Variants in KDM3B observed in about 807,000 individuals in gnomAD.
KDM3B encodes lysine demethylase 3B.
In KDM3B, 10 loss-of-function variants were observed where a neutral mutation model predicts 170.0. The ratio of observed to expected loss-of-function variants is 0.06; its 90% confidence interval spans 0.04 to 0.10. The LOEUF is 0.10. Ranked by LOEUF, KDM3B falls within the 10% of genes least tolerant of loss-of-function variation. The pLI is 1.00. For synonymous variants in KDM3B, 831 were observed against 834.8 expected (o/e 1.00, Z 0.08); for missense variants, 1,394 against 2,195.2 (o/e 0.64, Z 7.29).
At chr5:138,380,600 T>G (rs1762103266) in intron 5 of KDM3B, among the ~76,000 whole-genome samples, 1 of 152,110 alleles carries the variant, frequency 6.6e-6, no homozygotes, top group Non-Finnish European at 1.5e-5. Context: ...CACTAATATG[T>G]CACAGTGAAC....
chr5:138,368,215 C>T (rs142833838), intron 1 of KDM3B, among the ~76,000 whole-genome samples: 1 of 150,790 alleles, frequency 6.6e-6, no homozygotes, highest in South Asian at 2.1e-4. Flanking sequence ...AATGGTTGTT[C>T]TTCTTCTTTT....
chr5:138,419,688 T>TACACAC (rs1554131127), intron 14 of KDM3B, among the ~76,000 whole-genome samples: 1 of 119,110 alleles, frequency 8.4e-6, no homozygotes, highest in Admixed American at 9.4e-5. Flanking sequence ...TATATATATA[T>TACACAC]ACATATATAT....
intron 20 of KDM3B, 102 bp downstream of exon 20, chr5:138,428,188 T>TC: frequency 8.2e-7 from 1 of 1,214,706 alleles, no homozygotes; most frequent in Non-Finnish European, 1.1e-6. Flanking sequence ...CCTTTTTTTT[T>TC]TCTTTTTCTT....
chr5:138,385,991 CT>C (rs750437316), intron 6 of KDM3B, 30 bp from the exon 7 acceptor site: 14 of 1,561,000 alleles, frequency 9.0e-6, no homozygotes, highest in Admixed American at 1.9e-5. Flanking sequence ...TGAAAGTTTC[CT>C]TGTAATCTTT....
intron 1 of KDM3B, among the ~76,000 whole-genome samples, chr5:138,372,258 T>C (rs1285161759): frequency 1.3e-5 from 2 of 152,210 alleles, no homozygotes; most frequent in East Asian, 3.8e-4. Context: ...ATAGAAGTAT[T>C]AAAAATGTCT....
Position 138,420,745 on chromosome 5 carries a change from A to G in KDM3B, c.3755A>G (p.His1252Arg). 6.2e-7 allele frequency: 1 copy of G among 1,614,076 alleles called. No individual in the cohort carries two copies. ...SLRSVLNKESHSPFGLDSFNS... is the reference protein window; with the variant it reads ...SLRSVLNKESRSPFGLDSFNS... Reference sequence around the variant, plus strand: ...AGGTCGGTGCTCAATAAAGAGTCTCATTCACCCTTTGGGCTGGACTCGTTC... The same window carrying G: ...AGGTCGGTGCTCAATAAAGAGTCTCGTTCACCCTTTGGGCTGGACTCGTTC... The change falls in exon 15 of 24, where the codon CAT becomes CGT. Residue 1252 changes from histidine to arginine, a missense_variant. This residue lies in a region of KDM3B where 137 missense variants were observed against 166.9 expected (regional missense o/e 0.82). Transcript: ENST00000314358.
At chr5:138,419,688 T>TATAC (rs1192676979) in intron 14 of KDM3B, among the ~76,000 whole-genome samples, 2 of 119,112 alleles carry the variant, frequency 1.7e-5, no homozygotes, top group African/African-American at 3.3e-5. Context: ...TATATATATA[T>TATAC]ACATATATAT....
At chr5:138,387,810 A>T (rs530151845) in intron 7 of KDM3B, among the ~76,000 whole-genome samples, 3 of 152,190 alleles carry the variant, frequency 2.0e-5, no homozygotes, top group Non-Finnish European at 2.9e-5. Flanking sequence ...GGCCAGGCAC[A>T]GTAGCTCACA....
intron 15 of KDM3B, among the ~76,000 whole-genome samples, chr5:138,422,687 C>T (rs1393572934): frequency 6.6e-6 from 1 of 152,082 alleles, no homozygotes; most frequent in Non-Finnish European, 1.5e-5. Flanking sequence ...GTTTCCTTTG[C>T]ACCCTTGCCT....
chr5:138,372,205 C>T (rs568548876), intron 1 of KDM3B, among the ~76,000 whole-genome samples: 4 of 152,320 alleles, frequency 2.6e-5, no homozygotes, highest in South Asian at 2.1e-4. Flanking sequence ...CATATGCATA[C>T]ATCACCTATT....
At chr5:138,386,979 G>A (rs1762279683) in intron 7 of KDM3B, among the ~76,000 whole-genome samples, 1 of 152,196 alleles carries the variant, frequency 6.6e-6, no homozygotes, top group Non-Finnish European at 1.5e-5. Context: ...ATGAATTACA[G>A]TATTGGTAAT....
chr5:138,435,792 C>T lies in KDM3B; in HGVS notation c.*92C>T. The T allele has an allele frequency of 1.0e-6, 1 of 982,382 alleles. No individual in the cohort carries two copies. The allele number at this position is 982,382 out of a possible 1,614,324, so 60.9% of individuals were successfully genotyped here. On this transcript the variant is annotated 3_prime_UTR_variant, in exon 24 of 24. Coordinates refer to ENST00000314358, the MANE Select transcript of KDM3B (RefSeq NM_016604.4). ...CAGGGCTCTTTGCTGGAGCAGAGGCCCTTCACCCAGAGCCAGTGTGGTCAG... is the reference window on the plus strand; with the variant it reads ...CAGGGCTCTTTGCTGGAGCAGAGGCTCTTCACCCAGAGCCAGTGTGGTCAG...
chr5:138,392,251 C>T lies in KDM3B; in HGVS notation c.2619C>T (p.Ala873=). ...KQAPKGRPRT[A]PLKVGQSVLK... is the part of the protein sequence containing the mutation. ...CCCCCAAGGGCCGGCCTCGGACTGC[C>T]CCCCTGAAAGGTGATCCTGCTGGGG... The change falls in exon 8 of 24, where the codon GCC becomes GCT. Residue 873 remains alanine, a synonymous_variant. Coordinates refer to ENST00000314358, the MANE Select transcript of KDM3B (RefSeq NM_016604.4). 3 of 1,492,178 alleles carry T rather than the reference C, an allele frequency of 2.0e-6. No individual in the cohort carries two copies. Among genetic ancestry groups the T allele is most frequent in the Non-Finnish European group, 2.7e-6 (3 of 1,119,346 alleles). The allele number at this position is 1,492,178 out of a possible 1,614,324, so 92.4% of individuals were successfully genotyped here. A position where few individuals can be genotyped will look rare whatever the true frequency, so the allele number is the denominator to read the frequency against.
chr5:138,381,822 A>G, intron 6 of KDM3B: 1 of 463,342 alleles, frequency 2.2e-6, no homozygotes. Flanking sequence ...TAGTTCTTCT[A>G]AAGTGCAAGG....
intron 1 of KDM3B, among the ~76,000 whole-genome samples, chr5:138,371,949 C>T (rs1218362764): frequency 6.6e-6 from 1 of 152,132 alleles, no homozygotes; most frequent in Non-Finnish European, 1.5e-5. Flanking sequence ...GGTGAAACTG[C>T]GTCTCTACAA....
At position 138,391,837 on chromosome 5, in the gene KDM3B, C is replaced by T. The variant is rs1189077543; in HGVS notation, c.2205C>T (p.Pro735=). ...SSSPTSSLTQ[P]IEMPTLSSSP... is the part of the protein sequence containing the mutation. ...CGCCCACCAGCAGCCTCACTCAGCC[C>T]ATTGAGATGCCAACTCTCTCCTCTA... The change falls in exon 8 of 24, where the codon CCC becomes CCT. Residue 735 remains proline, a synonymous_variant. Transcript: ENST00000314358. The surrounding 1 kb of genome is among the most constrained non-coding windows in gnomAD (Gnocchi z 5.0). The T allele has an allele frequency of 1.9e-6, 3 of 1,614,034 alleles. No individual in the cohort carries two copies. Among genetic ancestry groups the T allele is most frequent in the Non-Finnish European group, 2.5e-6 (3 of 1,180,046 alleles).
intron 11 of KDM3B, among the ~76,000 whole-genome samples, chr5:138,414,435 G>C (rs1446419363): frequency 6.6e-6 from 1 of 152,074 alleles, no homozygotes; most frequent in Non-Finnish European, 1.5e-5. Context: ...AAAGTGCTGG[G>C]ATTACAGGCT....
At position 138,428,031 on chromosome 5, in the gene KDM3B, T is replaced by G. The variant is rs1561796799; in HGVS notation, c.4698T>G (p.Ala1566=). ...TTNLHLDVSD[A]VNVMVYVGIP... Reference sequence around the variant, plus strand: ...ATCTTCACTTAGATGTGTCTGATGCTGTTAATGTGATGGTGTATGTTGGGA... The same window carrying G: ...ATCTTCACTTAGATGTGTCTGATGCGGTTAATGTGATGGTGTATGTTGGGA... The change falls in exon 20 of 24, where the codon GCT becomes GCG. Residue 1566 remains alanine (A), a synonymous_variant. Transcript: ENST00000314358. The G allele has an allele frequency of 6.2e-7, 1 of 1,613,668 alleles. No individual in the cohort carries two copies. The highest frequency in any genetic ancestry group is 8.5e-7 in the Non-Finnish European group (1 of 1,179,564).
intron 13 of KDM3B, 70 bp downstream of exon 13, chr5:138,417,680 C>G (rs1297865203): frequency 1.3e-6 from 2 of 1,506,414 alleles, no homozygotes; most frequent in Non-Finnish European, 1.8e-6. Flanking sequence ...GCCCCCTTTT[C>G]AACTCTGTTA....
Sources: gnomAD v4.1 joint callset for allele counts (sites outside exome capture counted in the v4.1 genomes callset) on GRCh38, gnomAD v4.1.1 for gene constraint, gnomAD v4.1.1 regional missense constraint, Gnocchi (gnomAD v3.1) non-coding constraint, MANE v1.5 for transcripts, NCBI Gene and HGNC (gene_info 2026-07-23, HGNC 2026-07-21) for gene names.